The following PLA2G6 variants were observed in gnomAD, a reference collection of about 807,000 sequenced individuals.
PLA2G6 encodes the protein 85/88 kDa calcium-independent phospholipase A2.
Under a neutral mutation model 83.8 loss-of-function variants are expected in PLA2G6, and 62 were observed. That is an observed-to-expected ratio of 0.74 (90% confidence interval 0.60 to 0.91). The LOEUF is 0.91. Ranked by LOEUF, PLA2G6 falls within the 40% of genes least tolerant of loss-of-function variation. The pLI, the probability that PLA2G6 is intolerant of heterozygous loss-of-function variation, is 0.00. For synonymous variants in PLA2G6, 417 were observed against 449.8 expected, an observed-to-expected ratio of 0.93 and a Z score of 0.92; for missense variants, 944 against 1,102.0, an observed-to-expected ratio of 0.86 and a Z score of 2.03.
Position 38,160,839 on chromosome 22 carries a change from C to T in PLA2G6, c.209+8379G>A, listed in dbSNP as rs143923938. Among the ~76,000 whole-genome samples the T allele has an allele frequency of 3.3e-5, 5 of 150,712 alleles. No homozygotes were observed. The East Asian group carries it at 9.7e-4, about 29-fold the overall frequency. On this transcript the variant is annotated intron_variant, in intron 2 of 16. Coordinates refer to ENST00000332509, the MANE Select transcript of PLA2G6 (RefSeq NM_003560.4). ...CAACCTGGGCAACACAGTGAGACTC[C>T]ATCTCAAAAAAAAAAAGCCTTTATC...
In PLA2G6 at chr22:38,129,561, TTC is replaced by T; in HGVS notation, c.1078-1_1078del. 6.2e-7 allele frequency: 1 copy of T among 1,611,324 alleles called. No individual in the cohort carries two copies. The highest frequency in any genetic ancestry group is 8.5e-7 in the Non-Finnish European group (1 of 1,177,508). On this transcript the variant is annotated splice_acceptor_variant and coding_sequence_variant, in exon 8 of 17. Coordinates refer to ENST00000332509, the MANE Select transcript of PLA2G6 (RefSeq NM_003560.4). LOFTEE classifies it high-confidence loss of function. ...GGCCTTGATCATCTCCACGTTGTCT[TTC>T]TGTTGGAGATGGAGAGAGGATAAGA...
rs57712042 is a variant in PLA2G6 at position 38,116,851 on chromosome 22, C to CAAAAAAAAAAAAAA, written c.1743-654_1743-641dup. Among the ~76,000 whole-genome samples, 62 of 37,652 alleles carry CAAAAAAAAAAAAAA rather than the reference C, an allele frequency of 1.6e-3. 4 individuals carry two copies. Among genetic ancestry groups the CAAAAAAAAAAAAAA allele is most frequent in the South Asian group, 5.4e-3 (3 of 556 alleles). The allele number at this position is 37,652 out of a possible 152,430, so 24.7% of individuals were successfully genotyped here. On this transcript the variant is annotated intron_variant, in intron 12 of 16. Coordinates refer to ENST00000332509, the MANE Select transcript of PLA2G6 (RefSeq NM_003560.4). ...GGGCGATAAGAGTGAAACTCCGTCT[C>CAAAAAAAAAAAAAA]AAAAAAAAAAAAAAAAAAAAAAAAA...
intron 1 of PLA2G6, among the ~76,000 whole-genome samples, chr22:38,175,683 C>A (rs1016862369): frequency 1.1e-3 from 175 of 152,298 alleles, no homozygotes; most frequent in African/African-American, 3.8e-3. Flanking sequence ...ATACCCGCAC[C>A]TCCGCCCTGC....
At chr22:38,173,854 A>C (rs2090527813) in intron 1 of PLA2G6, among the ~76,000 whole-genome samples, 1 of 152,036 alleles carries the variant, frequency 6.6e-6, no homozygotes, top group South Asian at 2.1e-4. Flanking sequence ...ATTTGAGACC[A>C]GCCTGGGGAA....
Position 38,123,310 on chromosome 22 carries a change from C to G in PLA2G6, c.1428-52G>C. The G allele has an allele frequency of 6.5e-7, 1 of 1,528,186 alleles. No homozygotes were observed. Among genetic ancestry groups the G allele is most frequent in the Non-Finnish European group, 8.9e-7 (1 of 1,127,254 alleles). The allele number at this position is 1,528,186 out of a possible 1,614,324, so 94.7% of individuals were successfully genotyped here. On this transcript the variant is annotated intron_variant, in intron 10 of 16. Transcript: ENST00000332509. The surrounding 1 kb of genome is among the most constrained non-coding windows in gnomAD (Gnocchi z 4.1). ...AGGAGGGTCCTGCCACAGCCCAGTA[C>G]TTTACATCCACCCTCATAGCCCTTG... is the stretch of plus-strand genomic sequence containing the variant.
At chr22:38,160,248 A>C (rs189101364) in intron 2 of PLA2G6, among the ~76,000 whole-genome samples, 3 of 152,318 alleles carry the variant, frequency 2.0e-5, no homozygotes. Flanking sequence ...AAGTAACAGA[A>C]GATATGAAGT....
rs2087982759 is a variant in PLA2G6, at chr22:38,128,204, G to C, written c.1348+65C>G. 1 of 1,522,458 alleles carries C rather than the reference G, an allele frequency of 6.6e-7. No individual in the cohort carries two copies. 94.3% of individuals were successfully genotyped at this position (1,522,458 alleles called of 1,614,324 possible). A position where few individuals can be genotyped will look rare whatever the true frequency, so the allele number is the denominator to read the frequency against. On this transcript the variant is annotated intron_variant, in intron 9 of 16. Transcript: ENST00000332509. This position sits in a 1 kb window ranked among gnomAD's most constrained non-coding sequence, Gnocchi z 4.4. Reference sequence around the variant, plus strand: ...CCTAGGGATCCTGTTGCTTTGGTGGGGCCTGCTGTGATCCAGGGGCCTGGG... The same window carrying C: ...CCTAGGGATCCTGTTGCTTTGGTGGCGCCTGCTGTGATCCAGGGGCCTGGG...
At position 38,111,840 on chromosome 22, in the gene PLA2G6, G is replaced by C; in HGVS notation, c.*321C>G. The C allele has an allele frequency of 2.5e-6, 1 of 402,388 alleles. No individual in the cohort carries two copies. Among genetic ancestry groups the C allele is most frequent in the South Asian group, 2.1e-5 (1 of 46,892 alleles). The allele number at this position is 402,388 out of a possible 1,614,324, so 24.9% of individuals were successfully genotyped here. ...GGCCCTCAGGGAGGCTGGGGCTGGGGGCAGGGGTACGGTTGTGCCCGGGTA... is the reference window on the plus strand; with the variant it reads ...GGCCCTCAGGGAGGCTGGGGCTGGGCGCAGGGGTACGGTTGTGCCCGGGTA... On this transcript the variant is annotated 3_prime_UTR_variant, in exon 17 of 17. Coordinates refer to ENST00000332509, the MANE Select transcript of PLA2G6 (RefSeq NM_003560.4).
intron 2 of PLA2G6, among the ~76,000 whole-genome samples, chr22:38,164,697 A>C (rs1370671577): frequency 6.6e-6 from 1 of 152,184 alleles, no homozygotes; most frequent in Non-Finnish European, 1.5e-5. Context: ...GCAAAAGAAC[A>C]ACAGAAACTC....
chr22:38,134,969 C>CCCCCAAAGGT lies in PLA2G6; in HGVS notation c.894+18_894+19insACCTTTGGGG. On this transcript the variant is annotated intron_variant, in intron 6 of 16. Coordinates refer to ENST00000332509, the MANE Select transcript of PLA2G6 (RefSeq NM_003560.4). ...GGCCCGGCCCCCTGCCCCACCCACC[C>CCCCCAAAGGT]ACCTCAGGATCCACTCACCTCTGCG... 7.1e-7 allele frequency: 1 copy of CCCCCAAAGGT among 1,415,016 alleles called. No individual in the cohort carries two copies. Among genetic ancestry groups the CCCCCAAAGGT allele is most frequent in the Non-Finnish European group, 1.0e-6 (1 of 1,001,092 alleles). The allele number at this position is 1,415,016 out of a possible 1,614,324, so 87.7% of individuals were successfully genotyped here.
intron 10 of PLA2G6, among the ~76,000 whole-genome samples, chr22:38,125,908 A>G (rs1041721326): frequency 6.6e-6 from 1 of 152,174 alleles, no homozygotes; most frequent in Admixed American, 6.5e-5. Context: ...TTCTCTTTGC[A>G]TCCTGTCACC....
At chr22:38,147,606 T>C (rs2145840584) in intron 2 of PLA2G6, 1 of 155,514 alleles carries the variant, frequency 6.4e-6, no homozygotes, top group African/African-American at 2.5e-5. Flanking sequence ...AGTGGCGCGA[T>C]CTCAGCTCAC....
At chr22:38,177,303 C>T (rs1281267180) in intron 1 of PLA2G6, among the ~76,000 whole-genome samples, 2 of 151,982 alleles carry the variant, frequency 1.3e-5, no homozygotes, top group Non-Finnish European at 2.9e-5. Context: ...AAAATGTCCC[C>T]GCAAATGTTC....
At chr22:38,115,421 G>T in intron 14 of PLA2G6, 106 bp downstream of exon 14, 1 of 1,047,854 alleles carries the variant, frequency 9.5e-7, no homozygotes, top group African/African-American at 1.6e-5. Flanking sequence ...GAGTGCGTGT[G>T]TAAAAGCCAC....
rs773986771 is a variant in PLA2G6, at chr22:38,143,339, G to A, written c.426-51C>T. The stretch of plus-strand genomic sequence containing the variant: ...GAGGTGAGCAGGTGTGGTACAAGGT[G>A]GCAGGGGGACCTAAGTGCACATGCA... On this transcript the variant is annotated intron_variant, in intron 3 of 16. Transcript: ENST00000332509. 3 of 1,570,906 alleles carry A rather than the reference G, an allele frequency of 1.9e-6. No homozygotes were observed. In the Admixed American group the frequency reaches 5.0e-5, roughly 26 times the overall value.
At chr22:38,131,508 AT>A (rs2088209465) in intron 7 of PLA2G6, 2 of 152,172 alleles carry the variant, frequency 1.3e-5, no homozygotes, top group Admixed American at 1.3e-4. Context: ...ATCCTCAATA[AT>A]TTTTCAGAGT....
At chr22:38,143,682 G>A (rs938977553) in intron 3 of PLA2G6, 9 of 370,094 alleles carry the variant, frequency 2.4e-5, no homozygotes, top group African/African-American at 1.7e-4. Context: ...CAGAGTGATG[G>A]TGAGATGAGA....
rs998817264 is a variant in PLA2G6 at position 38,132,115 on chromosome 22, G to GA, written c.1077+715dup. 4.4e-6 allele frequency: 2 copies of GA among 454,200 alleles called. No homozygotes were observed. The highest frequency in any genetic ancestry group is 4.4e-6 in the Non-Finnish European group (1 of 226,216). The allele number at this position is 454,200 out of a possible 1,614,324, so 28.1% of individuals were successfully genotyped here. On this transcript the variant is annotated intron_variant, in intron 7 of 16. Transcript: ENST00000332509. This position sits in a 1 kb window ranked among gnomAD's most constrained non-coding sequence, Gnocchi z 5.0. ...GGGCGACAGTGCGAGACTCCATCTC[G>GA]AAAAAAAAGAATACATGCACACACA...
intron 2 of PLA2G6, among the ~76,000 whole-genome samples, chr22:38,154,291 G>T (rs1319203467): frequency 6.6e-6 from 1 of 152,202 alleles, no homozygotes; most frequent in East Asian, 1.9e-4. Flanking sequence ...GTAGGCCTTG[G>T]GTGAGACCCA....
Sources: allele counts gnomAD v4.1 joint callset (sites outside exome capture counted in the v4.1 genomes callset), GRCh38; gene constraint gnomAD v4.1.1; non-coding constraint Gnocchi (gnomAD v3.1); transcripts MANE v1.5; gene names NCBI Gene and HGNC (gene_info 2026-07-23, HGNC 2026-07-21).